ARF5: variants seen among roughly 807,000 people sequenced by gnomAD.
ARF5 encodes ADP-ribosylation factor 5.
Under a neutral mutation model 24.8 loss-of-function variants are expected in ARF5, and 10 were observed. That is an observed-to-expected ratio of 0.40 (90% confidence interval 0.25 to 0.68). ARF5 has a LOEUF of 0.68. Among genes scored for constraint, ARF5 ranks in the 30% least tolerant of loss-of-function variants. ARF5 has a pLI of 0.36. For missense variants in ARF5, 135 were observed against 239.2 expected, an observed-to-expected ratio of 0.56 and a Z score of 2.87; for synonymous variants, 102 against 95.1, an observed-to-expected ratio of 1.07 and a Z score of -0.42.
chr7:127,589,173 G>A lies in ARF5; in HGVS notation c.148+10G>A. On this transcript the variant is annotated intron_variant, in intron 2 of 5. Transcript: ENST00000000233. ...ACCATCCCAACCATAGGTGAGCCCG[G>A]GGACGAAGCAGGGAGCGGGAGCGCC... 2 of 1,614,088 alleles carry A rather than the reference G, an allele frequency of 1.2e-6. No homozygotes were observed. The highest frequency in any genetic ancestry group is 1.7e-6 in the Non-Finnish European group (2 of 1,179,974).
intron 5 of ARF5, 57 bp from the exon 6 acceptor site, chr7:127,591,156 A>T: frequency 6.2e-7 from 1 of 1,608,666 alleles, no homozygotes; most frequent in Non-Finnish European, 8.5e-7. Flanking sequence ...GGACAGAGAT[A>T]TAAAGGCATT....
intron 4 of ARF5, 116 bp from the exon 5 acceptor site, chr7:127,590,847 G>C (rs1436938101): frequency 7.4e-7 from 1 of 1,354,340 alleles, no homozygotes; most frequent in South Asian, 1.5e-5. Context: ...TGTCTTCAAC[G>C]GCAGACTGCA....
At chr7:127,589,276 G>C in intron 2 of ARF5, 113 bp downstream of exon 2, 1 of 1,318,174 alleles carries the variant, frequency 7.6e-7, no homozygotes. Flanking sequence ...ACAGCTATTT[G>C]AGAAGTGGGT....
At chr7:127,589,062 C>T (rs749321561) in intron 1 of ARF5, 21 bp from the exon 2 acceptor site, 6 of 1,613,968 alleles carry the variant, frequency 3.7e-6, no homozygotes, top group East Asian at 2.2e-5. Context: ...ATCTCCATCC[C>T]TGTGCCCCTT....
chr7:127,589,115 C>T lies in ARF5; in HGVS notation c.100C>T (p.Leu34=). 2 of 1,614,238 alleles carry T rather than the reference C, an allele frequency of 1.2e-6. No homozygotes were observed. The highest frequency in any genetic ancestry group is 1.7e-6 in the Non-Finnish European group (2 of 1,180,038). ...GLDAAGKTTI[L]YKLKLGEIVT... is the part of the protein sequence containing the mutation. Reference sequence around the variant, plus strand: ...GGATGCGGCTGGCAAGACCACAATCCTGTACAAACTGAAGTTGGGGGAGAT... The same window carrying T: ...GGATGCGGCTGGCAAGACCACAATCTTGTACAAACTGAAGTTGGGGGAGAT... The change falls in exon 2 of 6, where the codon CTG becomes TTG. Residue 34 remains leucine, a synonymous_variant. Transcript: ENST00000000233.
At chr7:127,590,482 G>A (rs1409221456) in intron 4 of ARF5, among the ~76,000 whole-genome samples, 3 of 152,098 alleles carry the variant, frequency 2.0e-5, no homozygotes, top group South Asian at 2.1e-4. Context: ...ACAGGCGCCC[G>A]CTGCCATGCC....
chr7:127,590,890 A>C, intron 4 of ARF5, 73 bp from the exon 5 acceptor site: 1 of 1,522,480 alleles, frequency 6.6e-7, no homozygotes, highest in Non-Finnish European at 8.8e-7. Context: ...AGATGCTAGG[A>C]GGTAGAAAGG....
chr7:127,588,798 C>A (rs973958360), intron 1 of ARF5: 4 of 568,050 alleles, frequency 7.0e-6, no homozygotes, highest in Non-Finnish European at 1.2e-5. Context: ...CCCAGCCCGG[C>A]TGGTAAGAAG....
chr7:127,589,041 C>T, intron 1 of ARF5, 42 bp from the exon 2 acceptor site: 1 of 1,607,990 alleles, frequency 6.2e-7, no homozygotes, highest in Non-Finnish European at 8.5e-7. Flanking sequence ...CTAGGGGGCT[C>T]CCTCGCTCCC....
chr7:127,591,533 C>T lies in ARF5; in HGVS notation c.*234C>T. 2.1e-6 allele frequency: 1 copy of T among 484,642 alleles called. No individual in the cohort carries two copies. Among genetic ancestry groups the T allele is most frequent in the East Asian group, 3.6e-5 (1 of 27,852 alleles). 30.0% of individuals were successfully genotyped at this position (484,642 alleles called of 1,614,324 possible). ...CTGCTGGGACCTATGGAAGGGGCTT[C>T]CTGGCCAAGGCCCCCTCTTCCAGAG... On this transcript the variant is annotated 3_prime_UTR_variant, in exon 6 of 6. Transcript: ENST00000000233.
intron 1 of ARF5, 23 bp downstream of exon 1, chr7:127,588,588 C>A: frequency 7.3e-7 from 1 of 1,366,474 alleles, no homozygotes; most frequent in Non-Finnish European, 9.5e-7. Flanking sequence ...GAGCGCGCGG[C>A]CCGGACCGGG....
rs1587537404 is a variant in ARF5, at chr7:127,591,664, C to T, written c.*365C>T. ...GGCTTCGGGTGGTGCTATAATGTGGCACTGGATCTTGAGTAATAAATTTGC... is the reference window on the plus strand; with the variant it reads ...GGCTTCGGGTGGTGCTATAATGTGGTACTGGATCTTGAGTAATAAATTTGC... On this transcript the variant is annotated 3_prime_UTR_variant, in exon 6 of 6. Transcript: ENST00000000233. The T allele has an allele frequency of 3.3e-6, 1 of 301,958 alleles. No homozygotes were observed. The highest frequency in any genetic ancestry group is 5.1e-5 in the Admixed American group (1 of 19,646). The allele number at this position is 301,958 out of a possible 1,614,324, so 18.7% of individuals were successfully genotyped here.
At chr7:127,590,042 C>T in intron 3 of ARF5, 24 bp from the exon 4 acceptor site, 1 of 1,608,520 alleles carries the variant, frequency 6.2e-7, no homozygotes, top group Non-Finnish European at 8.5e-7. Context: ...ATTGCTTCTC[C>T]TTTCTTCCTT....
chr7:127,588,979 C>T, intron 1 of ARF5, 104 bp from the exon 2 acceptor site: 3 of 1,368,936 alleles, frequency 2.2e-6, no homozygotes, highest in Non-Finnish European at 3.1e-6. Context: ...GGCGCTCCCG[C>T]TCTCCGCCCC....
At chr7:127,590,863 C>A in intron 4 of ARF5, 100 bp from the exon 5 acceptor site, 1 of 1,435,854 alleles carries the variant, frequency 7.0e-7, no homozygotes, top group Non-Finnish European at 9.4e-7. Flanking sequence ...CTGCACAATA[C>A]TTTTTTTTTC....
In ARF5 at chr7:127,588,945, G is replaced by A. The variant is rs534519389; in HGVS notation, c.68-138G>A. 80 of 993,878 alleles carry A rather than the reference G, an allele frequency of 8.0e-5. No homozygotes were observed. The East Asian group carries it at 1.9e-3, about 24-fold the overall frequency. The allele number at this position is 993,878 out of a possible 1,614,324, so 61.6% of individuals were successfully genotyped here. ...ACCCGACTGCCCTCCAGGCCTCAAA[G>A]GTAGATAACGACGCGCACCTGGAGG... On this transcript the variant is annotated intron_variant, in intron 1 of 5. Transcript: ENST00000000233.
At position 127,590,947 on chromosome 7, in the gene ARF5, T is replaced by C; in HGVS notation, c.331-16T>C. The C allele has an allele frequency of 6.2e-7, 1 of 1,609,202 alleles. No homozygotes were observed. Among genetic ancestry groups the C allele is most frequent in the South Asian group, 1.1e-5 (1 of 90,882 alleles). ...GAGACGCAGCCTGGGTCCCACCTTC[T>C]CTTCTCCTCTCTCAGCTGCAGGAGG... On this transcript the variant is annotated splice_polypyrimidine_tract_variant and intron_variant, in intron 4 of 5. Transcript: ENST00000000233.
At chr7:127,590,935 G>T (rs201319710) in intron 4 of ARF5, 28 bp from the exon 5 acceptor site, 2 of 1,604,222 alleles carry the variant, frequency 1.2e-6, no homozygotes, top group South Asian at 1.1e-5. Context: ...ACGCAGCCTG[G>T]GTCCCACCTT....
intron 1 of ARF5, chr7:127,588,881 C>G (rs1562953650): frequency 1.6e-6 from 1 of 641,934 alleles, no homozygotes; most frequent in Non-Finnish European, 2.7e-6. Context: ...CCTCCCAGTC[C>G]TCTCCCGCTC....
Sources: gnomAD v4.1 joint callset for allele counts (sites outside exome capture counted in the v4.1 genomes callset) on GRCh38, gnomAD v4.1.1 for gene constraint, MANE v1.5 for transcripts, NCBI Gene and HGNC (gene_info 2026-07-23, HGNC 2026-07-21) for gene names.